UTRN: variants seen among roughly 807,000 people sequenced by gnomAD.
UTRN encodes the protein dystrophin-related protein 1.
UTRN carries 283 observed loss-of-function variants against 463.9 expected under a neutral mutation model. The ratio of observed to expected loss-of-function variants is 0.61; its 90% confidence interval spans 0.55 to 0.67. The LOEUF (loss-of-function observed/expected upper bound fraction) is 0.67. Ranked by LOEUF, UTRN falls within the 30% of genes least tolerant of loss-of-function variation. The probability of loss-of-function intolerance (pLI) is 0.00; values close to 1 mark genes in which losing one functional copy is unlikely to be tolerated. For synonymous variants in UTRN, 1,442 were observed against 1,431.5 expected, an observed-to-expected ratio of 1.01 and a Z score of -0.17; for missense variants, 3,922 against 4,084.3, an observed-to-expected ratio of 0.96 and a Z score of 1.08.
At chr6:144,763,721 T>G (rs1413499835) in intron 58 of UTRN, among the ~76,000 whole-genome samples, 1 of 152,106 alleles carries the variant, frequency 6.6e-6, no homozygotes, top group Admixed American at 6.6e-5. Flanking sequence ...GCTAACAAAG[T>G]GTGTGTAACA....
At chr6:144,579,125 T>C (rs1252352484) in intron 51 of UTRN, among the ~76,000 whole-genome samples, 2 of 152,222 alleles carry the variant, frequency 1.3e-5, no homozygotes, top group African/African-American at 4.8e-5. Flanking sequence ...TTCTATCTTA[T>C]TCATTGCGCA....
At chr6:144,657,722 G>T (rs1331208917) in intron 51 of UTRN, among the ~76,000 whole-genome samples, 1 of 152,148 alleles carries the variant, frequency 6.6e-6, no homozygotes, top group African/African-American at 2.4e-5. Flanking sequence ...GTTGTTCCAC[G>T]GAGTTTTTGT....
At chr6:144,626,677 C>T (rs541300021) in intron 51 of UTRN, among the ~76,000 whole-genome samples, 93 of 152,186 alleles carry the variant, frequency 6.1e-4, no homozygotes, top group African/African-American at 2.0e-3. Flanking sequence ...CTCGCTCTGT[C>T]GCCCAGGCTA....
intron 2 of UTRN, among the ~76,000 whole-genome samples, chr6:144,392,998 G>GCCATCCATCCATCCAT (rs58099859): frequency 1.3e-5 from 2 of 150,082 alleles, no homozygotes; most frequent in Non-Finnish European, 3.0e-5. Flanking sequence ...GTGTCCAGCT[G>GCCATCCATCCATCCAT]CCATCCATCC....
chr6:144,347,840 T>TTG (rs1777728615), intron 2 of UTRN, among the ~76,000 whole-genome samples: 2 of 146,494 alleles, frequency 1.4e-5, no homozygotes, highest in African/African-American at 5.5e-5. Context: ...ATTCTTTGTT[T>TTG]TTTTTTTTTG....
intron 51 of UTRN, among the ~76,000 whole-genome samples, chr6:144,653,397 A>G (rs1225645765): frequency 6.6e-6 from 1 of 152,034 alleles, no homozygotes; most frequent in Non-Finnish European, 1.5e-5. Flanking sequence ...CATCCTGTCA[A>G]ATATGGTGAA....
At chr6:144,617,555 T>G (rs1169675948) in intron 51 of UTRN, among the ~76,000 whole-genome samples, 1 of 152,200 alleles carries the variant, frequency 6.6e-6, no homozygotes, top group Non-Finnish European at 1.5e-5. Flanking sequence ...TATGTTTGCT[T>G]TGAACATCTT....
chr6:144,667,686 C>T (rs1031685263), intron 51 of UTRN, among the ~76,000 whole-genome samples: 4 of 152,184 alleles, frequency 2.6e-5, no homozygotes, highest in African/African-American at 9.7e-5. Context: ...AAAAATAGAA[C>T]AGTTGTATCA....
intron 3 of UTRN, among the ~76,000 whole-genome samples, chr6:144,420,665 A>G (rs1784755542): frequency 6.6e-6 from 1 of 152,248 alleles, no homozygotes; most frequent in Non-Finnish European, 1.5e-5. Flanking sequence ...AAAAGTATTT[A>G]ATTGTTAAGC....
rs190917674 is a variant in UTRN, at chr6:144,715,620, C to G, written c.7810-14737C>G. On this transcript the variant is annotated intron_variant, in intron 53 of 74. Transcript: ENST00000367545. ...GTCTGCTCTGCCCAAAATGCCCCTTCTTTACTCAACTTCTCTACTTGAACT... is the reference window on the plus strand; with the variant it reads ...GTCTGCTCTGCCCAAAATGCCCCTTGTTTACTCAACTTCTCTACTTGAACT... Among the ~76,000 whole-genome samples, 641 of 152,022 alleles carry G rather than the reference C, an allele frequency of 4.2e-3. 1 individual carries two copies. The highest frequency in any genetic ancestry group is 0.015 in the African/African-American group (618 of 41,420).
intron 65 of UTRN, among the ~76,000 whole-genome samples, chr6:144,810,365 G>T (rs918476574): frequency 6.6e-6 from 1 of 152,130 alleles, no homozygotes; most frequent in African/African-American, 2.4e-5. Context: ...AGCCACAAAT[G>T]AAAAAGATGT....
In UTRN at chr6:144,493,452, C is replaced by G. The variant is rs1793253127; in HGVS notation, c.4589C>G (p.Ala1530Gly). The G allele has an allele frequency of 6.2e-7, 1 of 1,613,616 alleles. No individual in the cohort carries two copies. Among genetic ancestry groups the G allele is most frequent in the Non-Finnish European group, 8.5e-7 (1 of 1,179,788 alleles). The change falls in exon 33 of 75, where the codon GCA (alanine) becomes GGA (glycine). Residue 1530 changes from alanine to glycine, a missense_variant. Physicochemically the swap from Ala to Gly is moderately conservative, Grantham distance 60. Coordinates refer to ENST00000367545, the MANE Select transcript of UTRN (RefSeq NM_007124.3). ...AAGGTTCTTTACAATGACCTGGGCG[C>G]ACAGGTGAGGAGAGCAGCCCCACAG... ...SLKVLYNDLG[A>G]QVTEGKQDLE...
At chr6:144,459,619 G>A (rs1453089843) in intron 21 of UTRN, among the ~76,000 whole-genome samples, 1 of 151,840 alleles carries the variant, frequency 6.6e-6, no homozygotes, top group Non-Finnish European at 1.5e-5. Flanking sequence ...TGTAGCTACA[G>A]GATCTCACTC....
At chr6:144,389,514 T>A (rs1393048163) in intron 2 of UTRN, among the ~76,000 whole-genome samples, 1 of 152,194 alleles carries the variant, frequency 6.6e-6, no homozygotes, top group Non-Finnish European at 1.5e-5. Flanking sequence ...TTTTTTGCAC[T>A]TTTTATTTTT....
chr6:144,377,857 A>G (rs1301177552), intron 2 of UTRN, among the ~76,000 whole-genome samples: 1 of 152,198 alleles, frequency 6.6e-6, no homozygotes, highest in Non-Finnish European at 1.5e-5. Context: ...CTTCACCAAA[A>G]AATAATCTTG....
At chr6:144,547,599 C>T (rs1370662653) in intron 46 of UTRN, among the ~76,000 whole-genome samples, 1 of 152,156 alleles carries the variant, frequency 6.6e-6, no homozygotes, top group Non-Finnish European at 1.5e-5. Flanking sequence ...ACAGTAAATT[C>T]TTCTTCATTG....
chr6:144,771,464 C>T (rs943687742), intron 58 of UTRN, among the ~76,000 whole-genome samples: 2 of 151,978 alleles, frequency 1.3e-5, no homozygotes, highest in Non-Finnish European at 2.9e-5. Context: ...CTCACTCTGT[C>T]ACCCAGGCTA....
chr6:144,581,660 T>G (rs1162460055), intron 51 of UTRN, among the ~76,000 whole-genome samples: 1 of 152,214 alleles, frequency 6.6e-6, no homozygotes, highest in African/African-American at 2.4e-5. Flanking sequence ...ACAGGAATTA[T>G]AGCTTCATAC....
chr6:144,500,402 A>G (rs898504817), intron 34 of UTRN, among the ~76,000 whole-genome samples: 3 of 152,086 alleles, frequency 2.0e-5, no homozygotes, highest in Non-Finnish European at 4.4e-5. Context: ...GTTGGCTGCT[A>G]GTATGTCCTT....
Sources: gnomAD v4.1 joint callset for allele counts (sites outside exome capture counted in the v4.1 genomes callset) on GRCh38, gnomAD v4.1.1 for gene constraint, MANE v1.5 for transcripts, NCBI Gene and HGNC (gene_info 2026-07-23, HGNC 2026-07-21) for gene names.